The following DOCK8 variants were observed in gnomAD, a reference collection of about 807,000 sequenced individuals.
The protein encoded by DOCK8 is dedicator of cytokinesis 8, also known as dedicator of cytokinesis protein 8.
Under a neutral mutation model 245.6 loss-of-function variants are expected in DOCK8, and 141 were observed. The ratio of observed to expected loss-of-function variants is 0.57; its 90% CI spans 0.50 to 0.66. The LOEUF (loss-of-function observed/expected upper bound fraction) is 0.66, where lower values mean the gene tolerates loss of function less well. Ranked by LOEUF, DOCK8 falls within the 30% of genes least tolerant of loss-of-function variation. The probability of loss-of-function intolerance (pLI) is 0.00; values close to 1 mark genes in which losing one functional copy is unlikely to be tolerated. For missense variants in DOCK8, 2,965 were observed against 2,603.4 expected (o/e 1.14, Z -3.02); for synonymous variants, 1,168 against 970.2 (o/e 1.20, Z -3.79).
At chr9:432,137 CATCTT>C in intron 36 of DOCK8, 24 bp from the exon 37 acceptor site, 1 of 1,545,116 alleles carries the variant, frequency 6.5e-7, no homozygotes, top group African/African-American at 1.6e-5. Context: ...TTATTTACTT[CATCTT>C]TTTTTTTTTT....
At chr9:218,342 C>A (rs1345636482) in intron 1 of DOCK8, among the ~76,000 whole-genome samples, 1 of 152,314 alleles carries the variant, frequency 6.6e-6, no homozygotes, top group South Asian at 2.1e-4. Context: ...GCGTTCAGTT[C>A]TGACCACACC....
At position 230,577 on chromosome 9, in the gene DOCK8, T is replaced by C. The variant is rs989702110; in HGVS notation, c.53+15548T>C. On this transcript the variant is annotated intron_variant, in intron 1 of 47. Coordinates refer to ENST00000432829, the MANE Select transcript of DOCK8 (RefSeq NM_203447.4). ...TCCGGCACCTGTTGTTTCCTGACTT[T>C]TTAATGATCGCCATTCTAACTGGTG... Among the ~76,000 whole-genome samples the C allele has an allele frequency of 1.8e-3, 267 of 152,238 alleles. 1 individual carries two copies. Among genetic ancestry groups the C allele is most frequent in the African/African-American group, 5.7e-3 (237 of 41,526 alleles).
chr9:295,562 C>T (rs577687453), intron 4 of DOCK8, among the ~76,000 whole-genome samples: 8 of 152,250 alleles, frequency 5.3e-5, no homozygotes, highest in Admixed American at 3.3e-4. Context: ...ATATATTGAA[C>T]GCACCATGGA....
chr9:313,771 A>G (rs2050228268), intron 6 of DOCK8, among the ~76,000 whole-genome samples: 1 of 152,218 alleles, frequency 6.6e-6, no homozygotes, highest in Non-Finnish European at 1.5e-5. Context: ...TCACACACAC[A>G]CAAAAGGTAA....
At chr9:344,549 G>A (rs779724807) in intron 14 of DOCK8, among the ~76,000 whole-genome samples, 4 of 151,932 alleles carry the variant, frequency 2.6e-5, no homozygotes, top group African/African-American at 4.8e-5. Context: ...GACTAAGTTC[G>A]CCTTGGGTGA....
rs370543428 is a variant in DOCK8, at chr9:407,089, A to C, written c.3530+20A>C. ...GGAAGGGTATGTTTCTGGCATTTAA[A>C]ATGGAAGATGAAGCCAAAAAAACAG... On this transcript the variant is annotated intron_variant, in intron 28 of 47. Transcript: ENST00000432829. 3.7e-6 allele frequency: 6 copies of C among 1,613,962 alleles called. No homozygotes were observed. The Admixed American group carries it at 5.0e-5, about 13-fold the overall frequency.
At chr9:443,676 G>A (rs2057162206) in intron 43 of DOCK8, among the ~76,000 whole-genome samples, 160 bp downstream of exon 43, 1 of 152,190 alleles carries the variant, frequency 6.6e-6, no homozygotes. Context: ...AGATCTTAAA[G>A]AAAATATAGT....
intron 43 of DOCK8, among the ~76,000 whole-genome samples, chr9:445,040 G>T (rs1012458517): frequency 6.6e-6 from 1 of 152,192 alleles, no homozygotes; most frequent in African/African-American, 2.4e-5. Context: ...AAATTGAAGA[G>T]TTTGTTTTTC....
Position 328,091 on chromosome 9 carries a change from T to C in DOCK8, c.964T>C (p.Ser322Pro), listed in dbSNP as rs763128804. 3 of 1,614,200 alleles carry C rather than the reference T, an allele frequency of 1.9e-6. No individual in the cohort carries two copies. Among genetic ancestry groups the C allele is most frequent in the Non-Finnish European group, 2.5e-6 (3 of 1,180,014 alleles). Reference sequence around the variant, plus strand: ...AGGATTTCTGCGAGCTCACACGCCTTCAGTGGCCGCATCAAGTCAGGCGAG... The same window carrying C: ...AGGATTTCTGCGAGCTCACACGCCTCCAGTGGCCGCATCAAGTCAGGCGAG... ...FKGFLRAHTPSVAASSQARSA... is the reference protein window; with the variant it reads ...FKGFLRAHTPPVAASSQARSA... Residue 322 changes from serine (S) to proline (P), a missense_variant, in exon 9 of 48, where the codon TCA becomes CCA. Ser to Pro is a moderately conservative substitution (Grantham distance 74). Around this residue, in one of 3 missense-constraint regions of DOCK8, gnomAD observed 2,825 missense variants for 2,453.5 expected, o/e 1.15. Transcript: ENST00000432829.
chr9:415,423 C>G (rs1313753497), intron 29 of DOCK8, among the ~76,000 whole-genome samples: 1 of 152,028 alleles, frequency 6.6e-6, no homozygotes. Context: ...TTAGAAAATT[C>G]TATCATAGCA....
chr9:307,724 A>T (rs1321374696), intron 5 of DOCK8, among the ~76,000 whole-genome samples: 2 of 152,130 alleles, frequency 1.3e-5, no homozygotes, highest in Non-Finnish European at 2.9e-5. Context: ...ATATATGTCC[A>T]GAGGAAAGGA....
At chr9:284,723 A>G (rs1409378598) in intron 2 of DOCK8, among the ~76,000 whole-genome samples, 1 of 152,266 alleles carries the variant, frequency 6.6e-6, no homozygotes, top group East Asian at 1.9e-4. Context: ...TTGGATGCAG[A>G]AAATGTGGTA....
intron 1 of DOCK8, among the ~76,000 whole-genome samples, chr9:256,475 T>C (rs1222584528): frequency 6.6e-6 from 1 of 152,206 alleles, no homozygotes; most frequent in East Asian, 1.9e-4. Flanking sequence ...GGAGCTGTTA[T>C]GAGGATAAAT....
In DOCK8 at chr9:273,490, A is replaced by G. The variant is rs564267908; in HGVS notation, c.156+1761A>G. 4.6e-5 allele frequency among the ~76,000 whole-genome samples: 7 copies of G among 152,360 alleles called. No homozygotes were observed. In the South Asian group the frequency reaches 1.2e-3, roughly 27 times the overall value. ...TTGTATTCCAAAACATGCAAAATTT[A>G]GTTTAAAATAGATTGGATACACTTT... On this transcript the variant is annotated intron_variant, in intron 2 of 47. Coordinates refer to ENST00000432829, the MANE Select transcript of DOCK8 (RefSeq NM_203447.4).
chr9:230,382 G>A (rs1033858831), intron 1 of DOCK8, among the ~76,000 whole-genome samples: 2 of 152,216 alleles, frequency 1.3e-5, no homozygotes, highest in African/African-American at 4.8e-5. Flanking sequence ...TGTCTTTATA[G>A]CAGCATGATT....
intron 34 of DOCK8, among the ~76,000 whole-genome samples, chr9:427,941 A>C (rs1564056230): frequency 6.6e-6 from 1 of 152,204 alleles, no homozygotes; most frequent in Non-Finnish European, 1.5e-5. Context: ...TGGTGTTGTT[A>C]GTCCTTCTGT....
In DOCK8 at chr9:368,011, T is replaced by C. The variant is rs777910316; in HGVS notation, c.1680-7T>C. ...TTTTCATTGATTCTTTATCTCTTCT[T>C]TTCCAGAAACCTTCTCTATGTCTAC... is the stretch of plus-strand genomic sequence containing the variant. On this transcript the variant is annotated splice_region_variant and splice_polypyrimidine_tract_variant and intron_variant, in intron 14 of 47. Coordinates refer to ENST00000432829, the MANE Select transcript of DOCK8 (RefSeq NM_203447.4). 83 of 1,607,152 alleles carry C rather than the reference T, an allele frequency of 5.2e-5. No individual in the cohort carries two copies. The highest frequency in any genetic ancestry group is 6.7e-5 in the Non-Finnish European group (79 of 1,173,820).
rs773306620 is a variant in DOCK8 at position 429,836 on chromosome 9, C to G, written c.4608C>G (p.Phe1536Leu). Residue 1536 changes from phenylalanine to leucine, a missense_variant, in exon 36 of 48, where the codon TTC (phenylalanine) becomes TTG (leucine). Phe to Leu is a conservative substitution (Grantham distance 22). Around this residue, in one of 3 missense-constraint regions of DOCK8, gnomAD observed 2,825 missense variants for 2,453.5 expected, o/e 1.15. Transcript: ENST00000432829. ...ACATLYLLMR[F>L]SFGATSNFAR... Reference sequence around the variant, plus strand: ...CCACCCTTTACCTCCTCATGAGGTTCAGTTTTGGAGCCACCAGTGTAAGAG... The same window carrying G: ...CCACCCTTTACCTCCTCATGAGGTTGAGTTTTGGAGCCACCAGTGTAAGAG... 1.2e-6 allele frequency: 2 copies of G among 1,613,970 alleles called. No homozygotes were observed. Among genetic ancestry groups the G allele is most frequent in the African/African-American group, 2.7e-5 (2 of 74,904 alleles).
At chr9:355,267 A>G (rs1310407756) in intron 14 of DOCK8, among the ~76,000 whole-genome samples, 1 of 144,308 alleles carries the variant, frequency 6.9e-6, no homozygotes, top group Non-Finnish European at 1.5e-5. Context: ...GCAGTGGCAC[A>G]ATCTCAGCTC....
Sources: allele counts gnomAD v4.1 joint callset (sites outside exome capture counted in the v4.1 genomes callset), GRCh38; gene constraint gnomAD v4.1.1; regional missense constraint gnomAD v4.1.1; transcripts MANE v1.5; gene names NCBI Gene and HGNC (gene_info 2026-07-23, HGNC 2026-07-21).